COL13A1: variants seen among roughly 807,000 people sequenced by gnomAD.
The protein encoded by COL13A1 is collagen alpha-1(XIII) chain.
In COL13A1, 89 loss-of-function variants were observed where a neutral mutation model predicts 130.9. The ratio of observed to expected loss-of-function variants is 0.68; its 90% confidence interval spans 0.57 to 0.81. The LOEUF (loss-of-function observed/expected upper bound fraction) is 0.81. Among genes scored for constraint, COL13A1 ranks in the 30% least tolerant of loss-of-function variants. The pLI is 0.00. For missense variants in COL13A1, 879 were observed against 934.6 expected, an observed-to-expected ratio of 0.94 and a Z score of 0.78; for synonymous variants, 402 against 341.6, an observed-to-expected ratio of 1.18 and a Z score of -1.95.
intron 37 of COL13A1, among the ~76,000 whole-genome samples, chr10:69,946,579 G>C (rs1312897762): frequency 6.6e-6 from 1 of 152,204 alleles, no homozygotes; most frequent in Non-Finnish European, 1.5e-5. Context: ...CCTAGCTGTA[G>C]AATGAAGAGC....
intron 2 of COL13A1, among the ~76,000 whole-genome samples, chr10:69,824,387 T>C (rs2132683846): frequency 6.6e-6 from 1 of 152,310 alleles, no homozygotes; most frequent in Middle Eastern, 3.4e-3. Flanking sequence ...GGAAAGCACA[T>C]CAGTTGTCTG....
At position 69,887,413 on chromosome 10, in the gene COL13A1, C is replaced by T. The variant is rs11813062; in HGVS notation, c.514-43C>T. ...GAGGCCTAGGGATTGGCTCTGTCTC[C>T]TCCTTGCTCAATCTCATGTGTCTCT... On this transcript the variant is annotated intron_variant, in intron 7 of 40. Coordinates refer to ENST00000645393, the MANE Select transcript of COL13A1 (RefSeq NM_001368882.1). The T allele has an allele frequency of 0.11, 168,188 of 1,601,170 alleles. 9,296 individuals carry two copies. Among genetic ancestry groups the T allele is most frequent in the Middle Eastern group, 0.2 (1,175 of 6,020 alleles).
chr10:69,923,332 A>G (rs1236726347), intron 23 of COL13A1, among the ~76,000 whole-genome samples: 1 of 152,208 alleles, frequency 6.6e-6, no homozygotes, highest in Non-Finnish European at 1.5e-5. Flanking sequence ...GCTGCTTGAA[A>G]AGTGCAATGG....
intron 2 of COL13A1, among the ~76,000 whole-genome samples, chr10:69,861,977 G>C (rs1004334035): frequency 1.3e-5 from 2 of 152,146 alleles, no homozygotes; most frequent in African/African-American, 4.8e-5. Flanking sequence ...AGTGGCTCTT[G>C]GGGTAAGGTG....
At position 69,829,072 on chromosome 10, in the gene COL13A1, C is replaced by G. The variant is rs182280658; in HGVS notation, c.364+6634C>G. Among the ~76,000 whole-genome samples the G allele has an allele frequency of 3.9e-5, 6 of 152,280 alleles. No homozygotes were observed. The East Asian group carries it at 1.2e-3, about 29-fold the overall frequency. On this transcript the variant is annotated intron_variant, in intron 2 of 40. Transcript: ENST00000645393. Reference sequence around the variant, plus strand: ...CACAATGAAAGCCAGCACCTTCCCCCCACCTGGCCCTTTCCAACATTCTCG... The same window carrying G: ...CACAATGAAAGCCAGCACCTTCCCCGCACCTGGCCCTTTCCAACATTCTCG...
chr10:69,834,504 T>C (rs1849561870), intron 2 of COL13A1, among the ~76,000 whole-genome samples: 1 of 152,188 alleles, frequency 6.6e-6, no homozygotes, highest in Admixed American at 6.5e-5. Flanking sequence ...ATGGCATATA[T>C]TCAACAGATG....
intron 3 of COL13A1, among the ~76,000 whole-genome samples, chr10:69,871,596 C>G (rs1300766164): frequency 6.6e-6 from 1 of 151,996 alleles, no homozygotes; most frequent in Non-Finnish European, 1.5e-5. Flanking sequence ...TCTCAGCAGC[C>G]CTGCAGGGAT....
At chr10:69,857,527 G>A (rs1337686382) in intron 2 of COL13A1, among the ~76,000 whole-genome samples, 2 of 152,332 alleles carry the variant, frequency 1.3e-5, no homozygotes, top group African/African-American at 4.8e-5. Flanking sequence ...GATCTTCACA[G>A]GAGTGAGAAC....
chr10:69,854,254 G>C (rs2704479), intron 2 of COL13A1, among the ~76,000 whole-genome samples: 129,924 of 152,186 alleles, frequency 0.85, 55,574 homozygotes, highest in East Asian at 0.95. Flanking sequence ...ACATGCTTAA[G>C]GCCCTTTCTA....
At chr10:69,828,140 A>G (rs754103725) in intron 2 of COL13A1, among the ~76,000 whole-genome samples, 1 of 152,176 alleles carries the variant, frequency 6.6e-6, no homozygotes, top group African/African-American at 2.4e-5. Flanking sequence ...TATTTCTTAA[A>G]GCAGATCCCC....
intron 2 of COL13A1, among the ~76,000 whole-genome samples, chr10:69,856,946 G>A (rs1170783981): frequency 6.6e-6 from 1 of 151,910 alleles, no homozygotes; most frequent in Non-Finnish European, 1.5e-5. Flanking sequence ...GCTCATCCCT[G>A]ATTGATTTCC....
chr10:69,940,269 C>G (rs2067447484), intron 34 of COL13A1, among the ~76,000 whole-genome samples: 1 of 152,154 alleles, frequency 6.6e-6, no homozygotes, highest in Non-Finnish European at 1.5e-5. Flanking sequence ...AGACCTCTGT[C>G]CCAGGCCGCT....
chr10:69,850,584 T>A (rs1854487814), intron 2 of COL13A1, among the ~76,000 whole-genome samples: 1 of 151,264 alleles, frequency 6.6e-6, no homozygotes, highest in Non-Finnish European at 1.5e-5. Context: ...AGGGTACTGC[T>A]TTTCTTAGTG....
intron 2 of COL13A1, among the ~76,000 whole-genome samples, chr10:69,833,302 T>A (rs1231054136): frequency 1.3e-5 from 2 of 152,168 alleles, no homozygotes; most frequent in African/African-American, 4.8e-5. Context: ...GAAGTTACAG[T>A]AACTAGATTG....
chr10:69,845,484 C>T (rs1156820760), intron 2 of COL13A1, among the ~76,000 whole-genome samples: 1 of 152,132 alleles, frequency 6.6e-6, no homozygotes, highest in Non-Finnish European at 1.5e-5. Context: ...TGAGCCACCG[C>T]ACCAGCCCTC....
At chr10:69,828,554 G>A (rs1848066995) in intron 2 of COL13A1, among the ~76,000 whole-genome samples, 1 of 152,114 alleles carries the variant, frequency 6.6e-6, no homozygotes, top group South Asian at 2.1e-4. Context: ...AGTAAAACTG[G>A]GCTGCTCCCC....
At chr10:69,853,453 G>A (rs970524570) in intron 2 of COL13A1, among the ~76,000 whole-genome samples, 7 of 152,172 alleles carry the variant, frequency 4.6e-5, no homozygotes, top group African/African-American at 7.2e-5. Flanking sequence ...GCCCCTCTAC[G>A]ATTGCCATAG....
rs2069869474 is a variant in COL13A1 at position 69,952,913 on chromosome 10, C to A, written c.2090C>A (p.Pro697His). The change falls in exon 39 of 41, where the codon CCT becomes CAT. Residue 697 changes from proline to histidine, a missense_variant. This residue lies in a region of COL13A1 where 68 missense variants were observed against 65.8 expected (regional missense o/e 1.03). Transcript: ENST00000645393. ...GERGKKGSRGPKGDKGDQGAP... is the reference protein window; with the variant it reads ...GERGKKGSRGHKGDKGDQGAP... Reference sequence around the variant, plus strand: ...AGGGGGAAGAAAGGCTCTAGAGGGCCTAAAGGGGATAAGGGAGACCAAGGA... The same window carrying A: ...AGGGGGAAGAAAGGCTCTAGAGGGCATAAAGGGGATAAGGGAGACCAAGGA... The A allele has an allele frequency of 1.9e-6, 3 of 1,558,578 alleles. No individual in the cohort carries two copies. Among genetic ancestry groups the A allele is most frequent in the African/African-American group, 2.8e-5 (2 of 70,912 alleles).
In COL13A1 at chr10:69,867,877, G is replaced by A. The variant is rs2058679647; in HGVS notation, c.372+72G>A. 5.6e-6 allele frequency: 4 copies of A among 716,124 alleles called. No homozygotes were observed. The East Asian group carries it at 1.1e-4, about 19-fold the overall frequency. The allele number at this position is 716,124 out of a possible 1,614,324, so 44.4% of individuals were successfully genotyped here. A position where few individuals can be genotyped will look rare whatever the true frequency, so the allele number is the denominator to read the frequency against. ...ACCTGCTGGTAACGGGGTTCTGGGT[G>A]GGGGCACTGAAAGCTGGGCCCCTGC... On this transcript the variant is annotated intron_variant, in intron 3 of 40. Coordinates refer to ENST00000645393, the MANE Select transcript of COL13A1 (RefSeq NM_001368882.1).
Sources: gnomAD v4.1 joint callset for allele counts (sites outside exome capture counted in the v4.1 genomes callset) on GRCh38, gnomAD v4.1.1 for gene constraint, gnomAD v4.1.1 regional missense constraint, MANE v1.5 for transcripts, NCBI Gene and HGNC (gene_info 2026-07-23, HGNC 2026-07-21) for gene names.